Variants in FGF12 observed in about 807,000 individuals in gnomAD.
FGF12 encodes fibroblast growth factor 12B.
FGF12 carries 14 observed loss-of-function variants against 23.6 expected under a neutral mutation model. The observed-to-expected ratio is 0.59, with a 90% CI of 0.39 to 0.93. The LOEUF is 0.93. FGF12 is among the 40% of genes least tolerant of loss of function. FGF12 has a pLI of 0.00. For synonymous variants in FGF12, 62 were observed against 77.3 expected (o/e 0.80, Z 1.04); for missense variants, 175 against 217.8 (o/e 0.80, Z 1.24).
chr3:192,596,183 A>G (rs1428791293), intron 2 of FGF12, among the ~76,000 whole-genome samples: 2 of 139,100 alleles, frequency 1.4e-5, no homozygotes, highest in African/African-American at 5.4e-5. Flanking sequence ...AGATAATAGC[A>G]TTTCTCATGA....
At chr3:192,675,516 A>G (rs970902167) in intron 2 of FGF12, among the ~76,000 whole-genome samples, 6 of 152,292 alleles carry the variant, frequency 3.9e-5, no homozygotes, top group East Asian at 1.9e-4. Flanking sequence ...AAACAGAGAC[A>G]TATGGCTCTC....
intron 2 of FGF12, among the ~76,000 whole-genome samples, chr3:192,518,589 T>C (rs1724736798): frequency 6.6e-6 from 1 of 152,212 alleles, no homozygotes; most frequent in East Asian, 1.9e-4. Context: ...GCAAAACTTT[T>C]ATTGAATATA....
At chr3:192,567,682 T>C (rs1712364244) in intron 2 of FGF12, among the ~76,000 whole-genome samples, 1 of 152,190 alleles carries the variant, frequency 6.6e-6, no homozygotes, top group African/African-American at 2.4e-5. Context: ...CCTTGGCTTG[T>C]GGTGCATAAC....
At chr3:192,165,212 C>T (rs1474242885) in intron 5 of FGF12, among the ~76,000 whole-genome samples, 1 of 152,006 alleles carries the variant, frequency 6.6e-6, no homozygotes, top group Non-Finnish European at 1.5e-5. Flanking sequence ...GCCTCGACTT[C>T]CCAAATTGCT....
rs567094007 is a variant in FGF12 at position 192,202,185 on chromosome 3, C to T, written c.229-31529G>A. Among the ~76,000 whole-genome samples, 29 of 152,106 alleles carry T rather than the reference C, an allele frequency of 1.9e-4. No individual in the cohort carries two copies. The South Asian group carries it at 6.0e-3, about 32-fold the overall frequency. On this transcript the variant is annotated intron_variant, in intron 4 of 5. Coordinates refer to ENST00000445105, the MANE Select transcript of FGF12 (RefSeq NM_004113.6). ...AAGTAAGGTATCCAACAGAAAGTTC[C>T]AATGCAGAAGGAATGCAAGATGAAG...
At chr3:192,206,689 G>A (rs1717665182) in intron 4 of FGF12, among the ~76,000 whole-genome samples, 1 of 152,050 alleles carries the variant, frequency 6.6e-6, no homozygotes, top group Non-Finnish European at 1.5e-5. Context: ...ATATATTTTC[G>A]ACAAGATAGG....
chr3:192,392,953 A>G (rs548704696), intron 2 of FGF12, among the ~76,000 whole-genome samples: 1 of 152,206 alleles, frequency 6.6e-6, no homozygotes, highest in Non-Finnish European at 1.5e-5. Context: ...TTGCTTTTTA[A>G]TTCTACCTAT....
At chr3:192,620,252 G>A (rs949535133) in intron 2 of FGF12, among the ~76,000 whole-genome samples, 18 of 64,396 alleles carry the variant, frequency 2.8e-4, no homozygotes, top group South Asian at 4.1e-4. Flanking sequence ...GCGCGCGCGC[G>A]CGCACGCACA....
intron 2 of FGF12, among the ~76,000 whole-genome samples, chr3:192,451,521 A>C (rs1332715223): frequency 6.6e-6 from 1 of 152,220 alleles, no homozygotes; most frequent in Non-Finnish European, 1.5e-5. Flanking sequence ...AGGTTGCCAT[A>C]TTAAAAGATA....
At chr3:192,191,537 C>T (rs371401461) in intron 4 of FGF12, among the ~76,000 whole-genome samples, 42 of 151,882 alleles carry the variant, frequency 2.8e-4, no homozygotes, top group African/African-American at 9.2e-4. Flanking sequence ...TAAAACTGCT[C>T]TAAAAATAGT....
intron 2 of FGF12, among the ~76,000 whole-genome samples, chr3:192,464,004 G>C (rs1311932616): frequency 6.6e-6 from 1 of 152,084 alleles, no homozygotes; most frequent in African/African-American, 2.4e-5. Context: ...TAGATCAGTG[G>C]TTCTACTCTT....
At chr3:192,177,215 G>A (rs1715910653) in intron 4 of FGF12, among the ~76,000 whole-genome samples, 1 of 152,142 alleles carries the variant, frequency 6.6e-6, no homozygotes, top group African/African-American at 2.4e-5. Context: ...TTCCTCCACT[G>A]TACACTGAAG....
At chr3:192,710,424 G>A (rs1176090345) in intron 2 of FGF12, among the ~76,000 whole-genome samples, 1 of 152,048 alleles carries the variant, frequency 6.6e-6, no homozygotes, top group African/African-American at 2.4e-5. Context: ...TTTAAAGATG[G>A]AACAAAAGAG....
intron 4 of FGF12, among the ~76,000 whole-genome samples, chr3:192,245,986 TAAAA>T (rs1711547329): frequency 6.6e-6 from 1 of 152,152 alleles, no homozygotes; most frequent in Non-Finnish European, 1.5e-5. Flanking sequence ...CTTAAAAACT[TAAAA>T]AACATTAAAA....
chr3:192,375,673 C>T (rs377312371), intron 2 of FGF12, among the ~76,000 whole-genome samples: 4 of 150,140 alleles, frequency 2.7e-5, no homozygotes, highest in East Asian at 2.0e-4. Flanking sequence ...CCTCTTTCCC[C>T]CCAGACTCAA....
intron 5 of FGF12, among the ~76,000 whole-genome samples, chr3:192,159,943 AGTGTGT>A (rs10575323): frequency 0.066 from 9,919 of 149,204 alleles, 575 homozygotes; most frequent in South Asian, 0.14. Flanking sequence ...ATATTTAAGT[AGTGTGT>A]GTGTGTGTGT....
chr3:192,338,616 A>G (rs1717536202), intron 3 of FGF12, among the ~76,000 whole-genome samples: 1 of 152,170 alleles, frequency 6.6e-6, no homozygotes, highest in Admixed American at 6.6e-5. Context: ...CAAAAAAACA[A>G]GGACTACTCC....
intron 2 of FGF12, among the ~76,000 whole-genome samples, chr3:192,470,524 G>A (rs1723141608): frequency 1.3e-5 from 2 of 151,900 alleles, no homozygotes; most frequent in African/African-American, 2.4e-5. Flanking sequence ...GAATATCTGG[G>A]ATTAAAGTTG....
intron 4 of FGF12, among the ~76,000 whole-genome samples, chr3:192,254,942 T>C (rs1461211761): frequency 6.6e-6 from 1 of 152,084 alleles, no homozygotes; most frequent in Non-Finnish European, 1.5e-5. Flanking sequence ...TTCAAAATGT[T>C]CACTCTGCAA....
Sources: gnomAD v4.1 joint callset for allele counts (sites outside exome capture counted in the v4.1 genomes callset) on GRCh38, gnomAD v4.1.1 for gene constraint, MANE v1.5 for transcripts, NCBI Gene and HGNC (gene_info 2026-07-23, HGNC 2026-07-21) for gene names.